The following FCRL4 variants were observed in gnomAD, a reference collection of about 807,000 sequenced individuals.
FCRL4 encodes the protein Fc receptor like 4, also known as Fc receptor-like protein 4.
FCRL4 carries 43 observed loss-of-function variants against 64.1 expected under a neutral mutation model. The observed-to-expected ratio is 0.67, with a 90% confidence interval of 0.53 to 0.87. FCRL4 has a LOEUF of 0.87. FCRL4 is among the 40% of genes least tolerant of loss of function. The pLI is 0.00. For synonymous variants in FCRL4, 253 were observed against 239.8 expected, an observed-to-expected ratio of 1.05 and a Z score of -0.51; for missense variants, 656 against 613.5, an observed-to-expected ratio of 1.07 and a Z score of -0.73.
At chr1:157,589,089 G>C in intron 3 of FCRL4, 115 bp downstream of exon 3, 1 of 1,157,398 alleles carries the variant, frequency 8.6e-7, no homozygotes, top group Non-Finnish European at 1.2e-6. Flanking sequence ...GAAACTAAAG[G>C]AGCTGGGATC....
intron 2 of FCRL4, among the ~76,000 whole-genome samples, 186 bp downstream of exon 2, chr1:157,596,142 A>C (rs1260555159): frequency 6.6e-6 from 1 of 152,186 alleles, no homozygotes. Context: ...TTTTGGTTTA[A>C]GAGAGTCACC....
intron 8 of FCRL4, among the ~76,000 whole-genome samples, chr1:157,579,789 G>C (rs568708425): frequency 6.6e-6 from 1 of 152,136 alleles, no homozygotes; most frequent in African/African-American, 2.4e-5. Flanking sequence ...AATCCAAGAA[G>C]GAATTAGACA....
chr1:157,577,246 T>G (rs1445772259), intron 10 of FCRL4, among the ~76,000 whole-genome samples: 1 of 152,190 alleles, frequency 6.6e-6, no homozygotes, highest in African/African-American at 2.4e-5. Flanking sequence ...CTTGAACTTC[T>G]GAAGTGATTT....
chr1:157,580,387 G>C (rs368299368), intron 7 of FCRL4, 39 bp from the exon 8 acceptor site: 2 of 1,613,208 alleles, frequency 1.2e-6, no homozygotes, highest in Non-Finnish European at 1.7e-6. Context: ...GTCAGCAGAG[G>C]GAGCTCTTTC....
intron 9 of FCRL4, 97 bp from the exon 10 acceptor site, chr1:157,578,639 A>G (rs1279080338): frequency 3.6e-6 from 5 of 1,387,202 alleles, no homozygotes; most frequent in Non-Finnish European, 4.1e-6. Context: ...TTGGACACAT[A>G]ATGGAACAAT....
chr1:157,592,203 A>T (rs968617244), intron 2 of FCRL4, among the ~76,000 whole-genome samples: 4 of 152,212 alleles, frequency 2.6e-5, no homozygotes, highest in Non-Finnish European at 5.9e-5. Flanking sequence ...CTTCATGACT[A>T]AAACACCAAA....
At chr1:157,593,757 A>G (rs1652892295) in intron 2 of FCRL4, among the ~76,000 whole-genome samples, 1 of 152,208 alleles carries the variant, frequency 6.6e-6, no homozygotes, top group Non-Finnish European at 1.5e-5. Flanking sequence ...ATATCTTCTA[A>G]GAAGAAACTG....
intron 8 of FCRL4, among the ~76,000 whole-genome samples, chr1:157,580,090 G>A (rs569866735): frequency 1.4e-4 from 22 of 152,214 alleles, no homozygotes; most frequent in African/African-American, 5.3e-4. Flanking sequence ...CCATTTAGAT[G>A]AGTAGGTTAA....
At chr1:157,597,882 C>A in intron 1 of FCRL4, 32 bp downstream of exon 1, 1 of 1,604,302 alleles carries the variant, frequency 6.2e-7, no homozygotes, top group Non-Finnish European at 8.5e-7. Flanking sequence ...CTCAGCTTTG[C>A]AGCAAGCAAA....
rs756522116 is a variant in FCRL4 at position 157,587,338 on chromosome 1, C to G, written c.785G>C (p.Gly262Ala). ...WRENSGSYWCGAETVRGNIHK... is the reference protein window; with the variant it reads ...WRENSGSYWCAAETVRGNIHK... ...GATGTTACCCCTCACTGTTTCAGCA[C>G]CACACCAATAGGATCCTGAGTTTTC... Residue 262 changes from glycine (G) to alanine (A), a missense_variant, in exon 5 of 12, where the codon GGT becomes GCT. Transcript: ENST00000271532. The G allele has an allele frequency of 3.1e-6, 5 of 1,614,102 alleles. No individual in the cohort carries two copies. The African/African-American group carries it at 5.3e-5, about 17-fold the overall frequency.
At chr1:157,583,865 T>C (rs1444073361) in intron 6 of FCRL4, among the ~76,000 whole-genome samples, 4 of 152,162 alleles carry the variant, frequency 2.6e-5, no homozygotes, top group African/African-American at 7.2e-5. Context: ...GATTAAAAAA[T>C]ATTTAGGAGG....
Position 157,581,600 on chromosome 1 carries a change from CA to C in FCRL4, c.1179del (p.Gly394GlufsTer91). 1 of 1,614,124 alleles carries C rather than the reference CA, an allele frequency of 6.2e-7. No homozygotes were observed. Among genetic ancestry groups the C allele is most frequent in the South Asian group, 1.1e-5 (1 of 91,076 alleles). On this transcript the variant is annotated frameshift_variant, in exon 7 of 12. Coordinates refer to ENST00000271532, the MANE Select transcript of FCRL4 (RefSeq NM_031282.3). LOFTEE classifies it high-confidence loss of function. ...AGGAGAAGAGCACTGAGCAGCCCTCCAGTGGCTCCCGCGGCGACAAGGCCAT... is the reference window on the plus strand; with the variant it reads ...AGGAGAAGAGCACTGAGCAGCCCTCCGTGGCTCCCGCGGCGACAAGGCCAT... ...NRDGLVAAGA[T>X]GGLLSALLLA...
rs1362590835 is a variant in FCRL4 at position 157,574,017 on chromosome 1, C to T, written c.*1507G>A. The T allele has an allele frequency of 1.9e-5, 4 of 206,962 alleles. No homozygotes were observed. Among genetic ancestry groups the T allele is most frequent in the African/African-American group, 6.8e-5 (3 of 43,960 alleles). 12.8% of individuals were successfully genotyped at this position (206,962 alleles called of 1,614,324 possible). Reference sequence around the variant, plus strand: ...TTATATGTCTTCTATTTTTCTTTTTCTCTTTTTTTGGGGGTGATACATGTG... The same window carrying T: ...TTATATGTCTTCTATTTTTCTTTTTTTCTTTTTTTGGGGGTGATACATGTG... On this transcript the variant is annotated 3_prime_UTR_variant, in exon 12 of 12. Transcript: ENST00000271532.
Position 157,578,490 on chromosome 1 carries a change from C to G in FCRL4, c.1413G>C (p.Leu471=). 6.2e-7 allele frequency: 1 copy of G among 1,613,770 alleles called. No individual in the cohort carries two copies. The change falls in exon 10 of 12, where the codon CTG becomes CTC. Residue 471 remains leucine, a synonymous_variant. Transcript: ENST00000271532. ...LVYSEIQTTQ[L]GEEEEANTSR... ...AAGACGTACCTTCCTCTTCTTCTCC[C>G]AGCTGAGTAGTCTGGATCTCAGAGT... is the stretch of plus-strand genomic sequence containing the variant.
intron 2 of FCRL4, among the ~76,000 whole-genome samples, chr1:157,591,174 A>G (rs1283873671): frequency 6.6e-6 from 1 of 152,212 alleles, no homozygotes; most frequent in Non-Finnish European, 1.5e-5. Flanking sequence ...TTGTTGTGAT[A>G]GGGTCTGTTC....
chr1:157,595,899 T>C (rs866524291), intron 2 of FCRL4, among the ~76,000 whole-genome samples: 1 of 152,198 alleles, frequency 6.6e-6, no homozygotes, highest in African/African-American at 2.4e-5. Flanking sequence ...TGTGTCTCCA[T>C]GGGATGCAGA....
chr1:157,585,344 C>CTCTT (rs764765610), intron 6 of FCRL4, among the ~76,000 whole-genome samples: 1,736 of 81,310 alleles, frequency 0.021, 36 homozygotes, highest in African/African-American at 0.039. Flanking sequence ...CTTTCTCTCT[C>CTCTT]TCTTTCTTTC....
At chr1:157,578,715 G>C in intron 9 of FCRL4, 55 bp downstream of exon 9, 1 of 1,555,464 alleles carries the variant, frequency 6.4e-7, no homozygotes, top group Non-Finnish European at 8.9e-7. Context: ...GGCTGAAAGC[G>C]CATTATCTTT....
Position 157,574,786 on chromosome 1 carries a change from T to A in FCRL4, c.*738A>T, listed in dbSNP as rs901296808. ...CTAATATTTTAAGTTCAAATTTAGT[T>A]TTGGAGAGTTGGTACTTAAGTTTTT... On this transcript the variant is annotated 3_prime_UTR_variant, in exon 12 of 12. Transcript: ENST00000271532. 4.3e-5 allele frequency: 9 copies of A among 210,344 alleles called. No homozygotes were observed. In the South Asian group the frequency reaches 1.7e-3, roughly 39 times the overall value. 13.0% of individuals were successfully genotyped at this position (210,344 alleles called of 1,614,324 possible).
Sources: gnomAD v4.1 joint callset for allele counts (sites outside exome capture counted in the v4.1 genomes callset) on GRCh38, gnomAD v4.1.1 for gene constraint, MANE v1.5 for transcripts, NCBI Gene and HGNC (gene_info 2026-07-23, HGNC 2026-07-21) for gene names.